The following ESRRB variants were observed in gnomAD, a reference collection of about 807,000 sequenced individuals.
ESRRB encodes the protein steroid hormone receptor ERR2.
Under a neutral mutation model 46.0 loss-of-function variants are expected in ESRRB, and 16 were observed. The ratio of observed to expected loss-of-function variants is 0.35; its 90% confidence interval spans 0.24 to 0.53. ESRRB has a LOEUF of 0.53. Among genes scored for constraint, ESRRB ranks in the 20% least tolerant of loss-of-function variants. The pLI, the probability that ESRRB is intolerant of heterozygous loss-of-function variation, is 0.93. For synonymous variants in ESRRB, 246 were observed against 259.6 expected (o/e 0.95, Z 0.50); for missense variants, 488 against 607.4 (o/e 0.80, Z 2.07).
At chr14:76,314,280 G>A (rs961009996) in intron 1 of ESRRB, among the ~76,000 whole-genome samples, 3 of 152,204 alleles carry the variant, frequency 2.0e-5, no homozygotes, top group Admixed American at 2.0e-4. Context: ...TGAAGCTGAA[G>A]TCAGCTGATT....
chr14:76,352,360 AG>A (rs1212745938), intron 1 of ESRRB, among the ~76,000 whole-genome samples: 3 of 152,156 alleles, frequency 2.0e-5, no homozygotes, highest in African/African-American at 7.2e-5. Context: ...GCAGTCTTTG[AG>A]GTTTGGGGCA....
intron 1 of ESRRB, among the ~76,000 whole-genome samples, chr14:76,436,602 C>A (rs1404327282): frequency 6.6e-6 from 1 of 152,184 alleles, no homozygotes; most frequent in East Asian, 1.9e-4. Flanking sequence ...ATTCTGCCTG[C>A]CTCGTGGAAG....
At chr14:76,466,474 C>T (rs530350253) in intron 3 of ESRRB, among the ~76,000 whole-genome samples, 74 of 152,198 alleles carry the variant, frequency 4.9e-4, no homozygotes, top group African/African-American at 1.7e-3. Flanking sequence ...AGATTCCTCA[C>T]GTGGCTGGGG....
chr14:76,489,506 C>T (rs1425725460), intron 5 of ESRRB, among the ~76,000 whole-genome samples: 1 of 149,492 alleles, frequency 6.7e-6, no homozygotes, highest in African/African-American at 2.5e-5. Flanking sequence ...CAGCCTCTCC[C>T]CTGAGAAGGT....
intron 1 of ESRRB, among the ~76,000 whole-genome samples, chr14:76,423,755 C>CT (rs1382872745): frequency 1.3e-5 from 2 of 152,172 alleles, no homozygotes; most frequent in Non-Finnish European, 2.9e-5. Context: ...CTATTCTAGA[C>CT]ACTGGAGTAG....
At chr14:76,435,420 C>G (rs188764228) in intron 1 of ESRRB, among the ~76,000 whole-genome samples, 194 of 152,334 alleles carry the variant, frequency 1.3e-3, no homozygotes, top group African/African-American at 4.6e-3. Context: ...GTCTTGAGAT[C>G]GTGAGCTGTG....
intron 1 of ESRRB, among the ~76,000 whole-genome samples, chr14:76,338,681 C>T (rs1160617722): frequency 6.6e-6 from 1 of 152,186 alleles, no homozygotes; most frequent in African/African-American, 2.4e-5. Flanking sequence ...TGTGGTGGCT[C>T]ATGCCTGTAA....
chr14:76,427,134 T>C (rs1887237648), intron 1 of ESRRB, among the ~76,000 whole-genome samples: 1 of 152,138 alleles, frequency 6.6e-6, no homozygotes, highest in Non-Finnish European at 1.5e-5. Flanking sequence ...TCACTGCACA[T>C]GGGAGGGAAG....
intron 1 of ESRRB, among the ~76,000 whole-genome samples, chr14:76,330,680 C>G (rs1057485840): frequency 6.6e-6 from 1 of 152,154 alleles, no homozygotes; most frequent in African/African-American, 2.4e-5. Context: ...AGGACTCCAG[C>G]TGAGCCCCCA....
At chr14:76,335,500 G>A (rs1225765281) in intron 1 of ESRRB, among the ~76,000 whole-genome samples, 1 of 152,222 alleles carries the variant, frequency 6.6e-6, no homozygotes, top group African/African-American at 2.4e-5. Flanking sequence ...CTATGTGCCA[G>A]GCACTGGATG....
chr14:76,391,827 G>A (rs557390319), intron 1 of ESRRB, among the ~76,000 whole-genome samples: 2 of 152,290 alleles, frequency 1.3e-5, no homozygotes, highest in Non-Finnish European at 2.9e-5. Flanking sequence ...GGAGGTGGGT[G>A]GGGTCTGAAC....
At chr14:76,442,891 C>T (rs538232866) in intron 2 of ESRRB, among the ~76,000 whole-genome samples, 70 of 149,688 alleles carry the variant, frequency 4.7e-4, no homozygotes, top group Non-Finnish European at 9.5e-4. Context: ...CTTGGCTCAC[C>T]GCAACCTCCA....
chr14:76,454,552 A>T (rs1344582575), intron 2 of ESRRB, among the ~76,000 whole-genome samples: 5 of 152,100 alleles, frequency 3.3e-5, no homozygotes, highest in African/African-American at 1.2e-4. Context: ...GGCCAGGAGG[A>T]CCAAATGAGG....
intron 3 of ESRRB, among the ~76,000 whole-genome samples, chr14:76,470,873 T>G (rs570766774): frequency 7.2e-4 from 110 of 152,270 alleles, no homozygotes; most frequent in Non-Finnish European, 9.7e-4. Context: ...ATTTTTTTTG[T>G]AGAGACAAAG....
At chr14:76,479,259 G>GTC in intron 3 of ESRRB, among the ~76,000 whole-genome samples, 1 of 152,278 alleles carries the variant, frequency 6.6e-6, no homozygotes, top group Non-Finnish European at 1.5e-5. Context: ...GCGTGTGTGT[G>GTC]TGTGTGCTGA....
chr14:76,428,385 T>C (rs1401530176), intron 1 of ESRRB, among the ~76,000 whole-genome samples: 1 of 152,102 alleles, frequency 6.6e-6, no homozygotes, highest in Non-Finnish European at 1.5e-5. Context: ...AATTTACAGA[T>C]GTCAGAACTC....
rs558291927 is a variant in ESRRB at position 76,356,312 on chromosome 14, T to C, written c.2+45396T>C. Among the ~76,000 whole-genome samples, 8 of 152,354 alleles carry C rather than the reference T, an allele frequency of 5.3e-5. No homozygotes were observed. In the South Asian group the frequency reaches 1.2e-3, roughly 24 times the overall value. Reference sequence around the variant, plus strand: ...TGTGGTGCAGGGAGGAGCAGGTTTATGGGATGTGCTTGTCTAAGTGTTTTC... The same window carrying C: ...TGTGGTGCAGGGAGGAGCAGGTTTACGGGATGTGCTTGTCTAAGTGTTTTC... On this transcript the variant is annotated intron_variant, in intron 1 of 6. Transcript: ENST00000512784.
Position 76,462,189 on chromosome 14 carries a change from G to A in ESRRB, c.461-356G>A, listed in dbSNP as rs540179032. ...GGTGGTGGTGGTGGTGGTGGTGGTA[G>A]TGGTGGTCTGCACTAATGTTCTGGT... On this transcript the variant is annotated intron_variant, in intron 2 of 6. Transcript: ENST00000644823. Among the ~76,000 whole-genome samples the A allele has an allele frequency of 1.9e-4, 29 of 149,620 alleles. No homozygotes were observed. The East Asian group carries it at 5.7e-3, about 30-fold the overall frequency.
intron 3 of ESRRB, among the ~76,000 whole-genome samples, chr14:76,475,700 T>C (rs1165629345): frequency 2.6e-5 from 4 of 152,236 alleles, no homozygotes; most frequent in African/African-American, 9.6e-5. Flanking sequence ...CACAGATGTA[T>C]GTTCAGATTT....
Sources: gnomAD v4.1 joint callset for allele counts (sites outside exome capture counted in the v4.1 genomes callset) on GRCh38, gnomAD v4.1.1 for gene constraint, MANE v1.5 for transcripts, NCBI Gene and HGNC (gene_info 2026-07-23, HGNC 2026-07-21) for gene names.